The following TJP1 variants were observed in gnomAD, a reference collection of about 807,000 sequenced individuals.
TJP1 encodes tight junction protein ZO-1.
TJP1 carries 43 observed loss-of-function variants against 194.2 expected under a neutral mutation model. That is an observed-to-expected ratio of 0.22 (90% CI 0.17 to 0.29). The LOEUF is 0.29. Ranked by LOEUF, TJP1 falls within the 10% of genes least tolerant of loss-of-function variation. TJP1 has a pLI of 1.00. For missense variants in TJP1, 1,971 were observed against 2,185.7 expected, an observed-to-expected ratio of 0.90 and a Z score of 1.96; for synonymous variants, 801 against 779.0, an observed-to-expected ratio of 1.03 and a Z score of -0.47.
In TJP1 at chr15:29,737,376, C is replaced by G; in HGVS notation, c.1295G>C (p.Ser432Thr). The stretch of plus-strand genomic sequence containing the variant: ...TCCACCAGCCAGCCGCAAACCCACA[C>G]TATCTCCTTTTCTGAATTTTACCAA... ...MKLVKFRKGDSVGLRLAGGND... is the reference protein window; with the variant it reads ...MKLVKFRKGDTVGLRLAGGND... Residue 432 changes from serine (S) to threonine (T), a missense_variant, in exon 11 of 28, where the codon AGT (serine) becomes ACT (threonine). Physicochemically the swap from Ser to Thr is moderately conservative, Grantham distance 58. Transcript: ENST00000614355. 6.2e-7 allele frequency: 1 copy of G among 1,614,198 alleles called. No individual in the cohort carries two copies. Among genetic ancestry groups the G allele is most frequent in the Non-Finnish European group, 8.5e-7 (1 of 1,180,024 alleles).
intron 2 of TJP1, among the ~76,000 whole-genome samples, chr15:29,930,760 G>C (rs2054680779): frequency 6.6e-6 from 1 of 152,172 alleles, no homozygotes. Flanking sequence ...CTGGCGTAAG[G>C]ATTGGAAAGG....
At position 29,718,874 on chromosome 15, in the gene TJP1, GTTC is replaced by G. The variant is rs1333173139; in HGVS notation, c.3265_3267del (p.Glu1089del). ...TGTTTGTCATCATAATATGACCACT[GTTC>G]TTCATACATGGGGACGCGATCTTCG... is the stretch of plus-strand genomic sequence containing the variant. On this transcript the variant is annotated inframe_deletion, in exon 21 of 28. Transcript: ENST00000614355. 6.2e-7 allele frequency: 1 copy of G among 1,614,190 alleles called. No individual in the cohort carries two copies. The highest frequency in any genetic ancestry group is 8.5e-7 in the Non-Finnish European group (1 of 1,180,034).
At chr15:29,833,868 TA>T (rs2050916535) in intron 2 of TJP1, among the ~76,000 whole-genome samples, 1 of 22,880 alleles carries the variant, frequency 4.4e-5, no homozygotes. Context: ...TATATATATA[TA>T]TATATATATA....
chr15:29,895,521 G>C (rs2053450533), intron 2 of TJP1, among the ~76,000 whole-genome samples: 1 of 152,100 alleles, frequency 6.6e-6, no homozygotes, highest in Non-Finnish European at 1.5e-5. Context: ...GACCTCATCA[G>C]AATTGCCTTT....
At chr15:29,907,381 C>G (rs1326466596) in intron 2 of TJP1, among the ~76,000 whole-genome samples, 1 of 152,036 alleles carries the variant, frequency 6.6e-6, no homozygotes, top group Non-Finnish European at 1.5e-5. Context: ...TGCACTCCAG[C>G]CTGGGTGACA....
At chr15:29,758,719 G>A (rs1403480778) in intron 8 of TJP1, among the ~76,000 whole-genome samples, 3 of 152,040 alleles carry the variant, frequency 2.0e-5, no homozygotes, top group African/African-American at 7.2e-5. Context: ...TATGTGTTGC[G>A]GCAGTAATCC....
At chr15:29,703,203 C>T (rs1054762677) in intron 27 of TJP1, among the ~76,000 whole-genome samples, 5 of 152,184 alleles carry the variant, frequency 3.3e-5, no homozygotes, top group Non-Finnish European at 7.3e-5. Context: ...GTAATCCCAG[C>T]ACTCTGGGAG....
At chr15:29,845,987 CA>C (rs2051392569) in intron 2 of TJP1, among the ~76,000 whole-genome samples, 1 of 152,088 alleles carries the variant, frequency 6.6e-6, no homozygotes, top group South Asian at 2.1e-4. Flanking sequence ...TACACATATG[CA>C]TGGGCACACA....
intron 8 of TJP1, among the ~76,000 whole-genome samples, chr15:29,743,965 G>C (rs2044596677): frequency 6.6e-6 from 1 of 152,132 alleles, no homozygotes; most frequent in Admixed American, 6.5e-5. Flanking sequence ...CGGATCACGA[G>C]GTCAAGAAAT....
At chr15:29,928,545 T>A (rs1422845345) in intron 2 of TJP1, among the ~76,000 whole-genome samples, 1 of 152,178 alleles carries the variant, frequency 6.6e-6, no homozygotes, top group African/African-American at 2.4e-5. Context: ...CAGAAACTCA[T>A]GCACATCTAC....
At position 29,770,373 on chromosome 15, in the gene TJP1, C is replaced by A. The variant is rs8025030; in HGVS notation, c.312+1691G>T. Among the ~76,000 whole-genome samples, 38 of 152,024 alleles carry A rather than the reference C, an allele frequency of 2.5e-4. No individual in the cohort carries two copies. In the East Asian group the frequency reaches 3.7e-3, roughly 15 times the overall value. On this transcript the variant is annotated intron_variant, in intron 4 of 27. Transcript: ENST00000614355. ...ACCTGGACCAGGGAGGCGGAGGTTG[C>A]GGTGAGCCAAGATCACGCTACTGCA... is the stretch of plus-strand genomic sequence containing the variant.
In TJP1 at chr15:29,718,854, G is replaced by A; in HGVS notation, c.3288C>T (p.Asp1096=). 2 of 1,614,198 alleles carry A rather than the reference G, an allele frequency of 1.2e-6. No individual in the cohort carries two copies. Among genetic ancestry groups the A allele is most frequent in the South Asian group, 1.1e-5 (1 of 91,078 alleles). ...MYEEQWSYYD[D]KQPYPSRPPF... is the part of the protein sequence containing the mutation. ...GTGGCCGAGATGGGTAGGGCTGTTTGTCATCATAATATGACCACTGTTCTT... is the reference window on the plus strand; with the variant it reads ...GTGGCCGAGATGGGTAGGGCTGTTTATCATCATAATATGACCACTGTTCTT... The change falls in exon 21 of 28, where the codon GAC becomes GAT. Residue 1096 remains aspartate (D), a synonymous_variant. Transcript: ENST00000614355.
intron 2 of TJP1, among the ~76,000 whole-genome samples, chr15:29,831,902 A>G (rs2050848537): frequency 1.3e-5 from 2 of 152,220 alleles, no homozygotes; most frequent in South Asian, 2.1e-4. Flanking sequence ...CGATGAGCAC[A>G]TGGAGGGTTT....
chr15:29,714,109 A>G (rs2042403286), intron 23 of TJP1, among the ~76,000 whole-genome samples: 1 of 152,200 alleles, frequency 6.6e-6, no homozygotes, highest in Admixed American at 6.5e-5. Flanking sequence ...ATGCAAGGCA[A>G]TGTTCTACAC....
At position 29,708,833 on chromosome 15, in the gene TJP1, G is replaced by C; in HGVS notation, c.4576C>G (p.Arg1526Gly). ...TQKTVTPAYN[R>G]FTPKPYTSSA... Reference sequence around the variant, plus strand: ...CTTGTATATGGTTTTGGTGTGAATCGATTGTATGCTGGAGTGACTGTTTTC... The same window carrying C: ...CTTGTATATGGTTTTGGTGTGAATCCATTGTATGCTGGAGTGACTGTTTTC... The change falls in exon 25 of 28, where the codon CGA becomes GGA. Residue 1526 changes from arginine to glycine, a missense_variant. By Grantham distance (125) the Arg-to-Gly change is moderately radical. Transcript: ENST00000614355. 1 of 1,614,130 alleles carries C rather than the reference G, an allele frequency of 6.2e-7. No individual in the cohort carries two copies. Among genetic ancestry groups the C allele is most frequent in the African/African-American group, 1.3e-5 (1 of 75,028 alleles).
rs930743621 is a variant in TJP1, at chr15:29,700,747, G to C, written c.*848C>G. The stretch of plus-strand genomic sequence containing the variant: ...AAAAAAAAAAAAAAAGAAAAGAAAA[G>C]AAAAGAAAAAAATATCCCCAAATCA... On this transcript the variant is annotated 3_prime_UTR_variant, in exon 28 of 28. Coordinates refer to ENST00000614355, the MANE Select transcript of TJP1 (RefSeq NM_001330239.4). The C allele has an allele frequency of 7.0e-5, 18 of 256,066 alleles. No individual in the cohort carries two copies. Among genetic ancestry groups the C allele is most frequent in the African/African-American group, 3.9e-4 (17 of 43,428 alleles). 15.9% of individuals were successfully genotyped at this position (256,066 alleles called of 1,614,324 possible).
At chr15:29,949,470 C>CCTT (rs1410640082) in intron 2 of TJP1, among the ~76,000 whole-genome samples, 659 of 47,416 alleles carry the variant, frequency 0.014, 25 homozygotes, top group Non-Finnish European at 0.02. Context: ...TCCACCACCA[C>CCTT]CACCTCCACA....
intron 2 of TJP1, among the ~76,000 whole-genome samples, chr15:29,838,992 C>CTTTTTTT (rs760557407): frequency 4.6e-4 from 38 of 83,458 alleles, no homozygotes; most frequent in Non-Finnish European, 6.2e-4. Flanking sequence ...AAAAATTCAC[C>CTTTTTTT]TTTTTTTTTT....
intron 2 of TJP1, among the ~76,000 whole-genome samples, chr15:29,891,661 G>A (rs1347322299): frequency 6.6e-6 from 1 of 152,078 alleles, no homozygotes; most frequent in Non-Finnish European, 1.5e-5. Flanking sequence ...TATATCTGTT[G>A]TGGTGATCTG....
Sources: allele counts gnomAD v4.1 joint callset (sites outside exome capture counted in the v4.1 genomes callset), GRCh38; gene constraint gnomAD v4.1.1; transcripts MANE v1.5; gene names NCBI Gene and HGNC (gene_info 2026-07-23, HGNC 2026-07-21).